PTPRB: variants seen among roughly 807,000 people sequenced by gnomAD.
The protein encoded by PTPRB is receptor-type tyrosine-protein phosphatase beta.
In PTPRB, 97 loss-of-function variants were observed where a neutral mutation model predicts 238.1. The observed-to-expected ratio is 0.41, with a 90% CI of 0.35 to 0.48. The LOEUF is 0.48. Ranked by LOEUF, PTPRB falls within the 20% of genes least tolerant of loss-of-function variation. PTPRB has a pLI of 0.30. For synonymous variants in PTPRB, 970 were observed against 995.4 expected, an observed-to-expected ratio of 0.97 and a Z score of 0.48; for missense variants, 2,292 against 2,681.9, an observed-to-expected ratio of 0.85 and a Z score of 3.21.
At chr12:70,587,504 T>C (rs891379690) in intron 8 of PTPRB, among the ~76,000 whole-genome samples, 57 of 152,240 alleles carry the variant, frequency 3.7e-4, no homozygotes, top group African/African-American at 1.4e-3. Context: ...TTTTTGACTG[T>C]ATAATACTTT....
intron 4 of PTPRB, among the ~76,000 whole-genome samples, chr12:70,601,771 ATTTCTTTT>A (rs1055679038): frequency 1.3e-4 from 19 of 149,866 alleles, no homozygotes; most frequent in Admixed American, 1.3e-4. Context: ...TAGAGAGGTA[ATTTCTTTT>A]TTTCTTTTTT....
rs769903500 is a variant in PTPRB at position 70,576,580 on chromosome 12, A to C, written c.2644T>G (p.Trp882Gly). Residue 882 changes from tryptophan (W) to glycine (G), a missense_variant, in exon 11 of 34, where the codon TGG becomes GGG. Around this residue, in one of 4 missense-constraint regions of PTPRB, gnomAD observed 1,205 missense variants for 1,287.8 expected, o/e 0.94. Transcript: ENST00000334414. ...TCCACATCTCCGGGCGCCAGCAGCC[A>C]GGAAACGCTGAGGTAGTCATTACGA... ...SGRNDYLSVS[W>G]LLAPGDVDNY... 1.3e-6 allele frequency: 2 copies of C among 1,540,728 alleles called. No individual in the cohort carries two copies. The highest frequency in any genetic ancestry group is 2.4e-5 in the South Asian group (2 of 83,870).
chr12:70,555,643 G>C (rs546659995), intron 19 of PTPRB, among the ~76,000 whole-genome samples: 1 of 152,238 alleles, frequency 6.6e-6, no homozygotes, highest in Middle Eastern at 3.4e-3. Flanking sequence ...AACTCATTCA[G>C]GTACTTTAAG....
chr12:70,546,618 A>ATTAT (rs1344229229), intron 21 of PTPRB, among the ~76,000 whole-genome samples: 1 of 152,200 alleles, frequency 6.6e-6, no homozygotes. Context: ...AAACAACATG[A>ATTAT]TTATTTTTCT....
At chr12:70,544,920 C>T (rs1207758129) in intron 21 of PTPRB, among the ~76,000 whole-genome samples, 1 of 152,090 alleles carries the variant, frequency 6.6e-6, no homozygotes, top group Non-Finnish European at 1.5e-5. Context: ...CCCTGCCATT[C>T]CAGAGGTTAC....
In PTPRB at chr12:70,592,269, G is replaced by A. The variant is rs767458323; in HGVS notation, c.1780+13C>T. On this transcript the variant is annotated intron_variant, in intron 7 of 33. Transcript: ENST00000334414. ...TTGAGCAACCAAGGAACATTCTGGA[G>A]CCCAAGACTCACATGTTCTGCCCAC... 6.2e-7 allele frequency: 1 copy of A among 1,613,832 alleles called. No homozygotes were observed.
chr12:70,596,057 C>G lies in PTPRB; in HGVS notation c.1250G>C (p.Gly417Ala), dbSNP rs724159867. The G allele has an allele frequency of 6.3e-7, 1 of 1,599,838 alleles. No homozygotes were observed. The highest frequency in any genetic ancestry group is 8.5e-7 in the Non-Finnish European group (1 of 1,170,812). ...AAATAAACAGGTCTTACCTGTTGAT[C>G]CATTGGTATAAACTGAAAAAGAACG... ...GKRSFSVYTN[G>A]STVPSPVKDI... Residue 417 changes from glycine (G) to alanine (A), a missense_variant, in exon 5 of 34, where the codon GGA becomes GCA. Around this residue, in one of 4 missense-constraint regions of PTPRB, gnomAD observed 1,205 missense variants for 1,287.8 expected, o/e 0.94. Transcript: ENST00000334414.
At chr12:70,610,620 A>T (rs1232654669) in intron 3 of PTPRB, among the ~76,000 whole-genome samples, 1 of 152,080 alleles carries the variant, frequency 6.6e-6, no homozygotes, top group Non-Finnish European at 1.5e-5. Context: ...CTAGCAAGAG[A>T]AAAAGACCCC....
intron 1 of PTPRB, 23 bp downstream of exon 1, chr12:70,637,318 G>C: frequency 6.3e-7 from 1 of 1,590,308 alleles, no homozygotes; most frequent in South Asian, 1.1e-5. Context: ...AATGCCTCAG[G>C]ACACTGAGGC....
At chr12:70,576,765 A>T (rs1880824738) in intron 10 of PTPRB, 120 bp from the exon 11 acceptor site, 1 of 619,606 alleles carries the variant, frequency 1.6e-6, no homozygotes, top group African/African-American at 1.9e-5. Context: ...CACTCAGGAG[A>T]TCTAATCTGA....
chr12:70,540,890 A>G lies in PTPRB; in HGVS notation c.5562T>C (p.Val1854=). The G allele has an allele frequency of 6.2e-7, 1 of 1,605,710 alleles. No homozygotes were observed. Among genetic ancestry groups the G allele is most frequent in the Non-Finnish European group, 8.5e-7 (1 of 1,176,170 alleles). ...GLFLIGMLVA[V]VALLICRQKV... ...TCTGTCTGCAGATCAATAAGGCAAC[A>G]ACAGCCACTAGCATGCCAATTAAAA... Residue 1854 remains valine, a synonymous_variant, in exon 23 of 34, where the codon GTT becomes GTC. Coordinates refer to ENST00000334414, the MANE Select transcript of PTPRB (RefSeq NM_001109754.4).
At chr12:70,583,955 C>T (rs948391700) in intron 9 of PTPRB, among the ~76,000 whole-genome samples, 14 of 152,162 alleles carry the variant, frequency 9.2e-5, no homozygotes, top group East Asian at 3.9e-4. Flanking sequence ...GACAACAGAA[C>T]TTAACTCCTG....
intron 4 of PTPRB, among the ~76,000 whole-genome samples, chr12:70,603,015 G>C (rs1883644878): frequency 6.6e-6 from 1 of 150,970 alleles, no homozygotes; most frequent in Non-Finnish European, 1.5e-5. Context: ...ATCTAGGAAT[G>C]GAAGGCAAAC....
intron 31 of PTPRB, among the ~76,000 whole-genome samples, chr12:70,533,297 T>G (rs151338822): frequency 3.3e-5 from 5 of 151,258 alleles, no homozygotes; most frequent in Non-Finnish European, 5.9e-5. Context: ...CTATTAAAAG[T>G]GTCAAGGTTC....
At chr12:70,586,903 G>A in intron 9 of PTPRB, 104 bp downstream of exon 9, 1 of 1,115,192 alleles carries the variant, frequency 9.0e-7, no homozygotes, top group Non-Finnish European at 1.3e-6. Flanking sequence ...ATAAAGCAAT[G>A]CCCAGTACAT....
At chr12:70,558,587 T>C (rs1878039470) in intron 18 of PTPRB, among the ~76,000 whole-genome samples, 1 of 152,206 alleles carries the variant, frequency 6.6e-6, no homozygotes, top group Admixed American at 6.5e-5. Context: ...GAAACTGGTA[T>C]ATGCTTCGTC....
rs1037744757 is a variant in PTPRB, at chr12:70,555,957, G to A, written c.4906C>T (p.His1636Tyr). The A allele has an allele frequency of 6.2e-7, 1 of 1,613,896 alleles. No individual in the cohort carries two copies. The highest frequency in any genetic ancestry group is 8.5e-7 in the Non-Finnish European group (1 of 1,179,864). ...TTGATGGACACCAGGTACCTCTTAT[G>A]GGGCACTAGCATCATGATGTTGAGC... ...SLLNIMMLVP[H>Y]KRYLVSIKVQ... Residue 1636 changes from histidine (H) to tyrosine (Y), a missense_variant, in exon 19 of 34, where the codon CAT becomes TAT. Transcript: ENST00000334414.
At chr12:70,550,327 G>A (rs1331474909) in intron 21 of PTPRB, among the ~76,000 whole-genome samples, 2 of 152,236 alleles carry the variant, frequency 1.3e-5, no homozygotes, top group African/African-American at 2.4e-5. Flanking sequence ...ACTCTGAGGA[G>A]TGAGGAGTAG....
chr12:70,611,828 AC>A (rs1230640838), intron 3 of PTPRB, among the ~76,000 whole-genome samples: 3 of 152,236 alleles, frequency 2.0e-5, no homozygotes, highest in East Asian at 1.9e-4. Flanking sequence ...AGAGTAAAGA[AC>A]TTTTACTCTG....
Sources: gnomAD v4.1 joint callset for allele counts (sites outside exome capture counted in the v4.1 genomes callset) on GRCh38, gnomAD v4.1.1 for gene constraint, gnomAD v4.1.1 regional missense constraint, MANE v1.5 for transcripts, NCBI Gene and HGNC (gene_info 2026-07-23, HGNC 2026-07-21) for gene names.